MAST4: variants seen among roughly 807,000 people sequenced by gnomAD.
The protein encoded by MAST4 is microtubule associated serine/threonine kinase family member 4.
A neutral mutation model predicts 162.7 loss-of-function variants in MAST4; 89 were observed. The observed-to-expected ratio is 0.55, with a 90% CI of 0.46 to 0.65. The LOEUF (loss-of-function observed/expected upper bound fraction) is 0.65. Ranked by LOEUF, MAST4 falls within the 30% of genes least tolerant of loss-of-function variation. The probability of loss-of-function intolerance (pLI) is 0.00; values close to 1 mark genes in which losing one functional copy is unlikely to be tolerated. For missense variants in MAST4, 3,153 were observed against 3,374.0 expected (o/e 0.93, Z 1.62); for synonymous variants, 1,479 against 1,361.1 (o/e 1.09, Z -1.91).
intron 1 of MAST4, among the ~76,000 whole-genome samples, chr5:66,660,511 C>T (rs1292768473): frequency 6.6e-6 from 1 of 152,198 alleles, no homozygotes; most frequent in Admixed American, 6.5e-5. Context: ...TCAAGCCTCA[C>T]ATCATCTCCA....
intron 21 of MAST4, among the ~76,000 whole-genome samples, 162 bp from the exon 22 acceptor site, chr5:67,144,507 C>T (rs1229165157): frequency 6.6e-6 from 1 of 152,050 alleles, no homozygotes; most frequent in East Asian, 1.9e-4. Context: ...CTGACCCTTC[C>T]TCTCTGGATT....
intron 1 of MAST4, among the ~76,000 whole-genome samples, chr5:66,747,813 G>A (rs1057196150): frequency 6.6e-6 from 1 of 152,170 alleles, no homozygotes; most frequent in Non-Finnish European, 1.5e-5. Context: ...AGGAAATTCA[G>A]TTAGCCTCCC....
At chr5:67,103,316 C>G (rs572901581) in intron 9 of MAST4, among the ~76,000 whole-genome samples, 5 of 152,360 alleles carry the variant, frequency 3.3e-5, no homozygotes, top group African/African-American at 9.6e-5. Flanking sequence ...CCCCCACAGC[C>G]TGTGTTGCCC....
chr5:67,093,989 A>C (rs1764145481), intron 6 of MAST4, among the ~76,000 whole-genome samples: 1 of 152,206 alleles, frequency 6.6e-6, no homozygotes, highest in African/African-American at 2.4e-5. Context: ...TAAGCATGTT[A>C]TTACAATTAC....
At chr5:66,808,173 C>T (rs192686886) in intron 3 of MAST4, among the ~76,000 whole-genome samples, 3 of 152,308 alleles carry the variant, frequency 2.0e-5, no homozygotes, top group African/African-American at 4.8e-5. Flanking sequence ...TTCAGTCCAG[C>T]GGAATTTTGT....
intron 3 of MAST4, among the ~76,000 whole-genome samples, chr5:66,833,219 T>G (rs866647319): frequency 6.6e-6 from 1 of 152,208 alleles, no homozygotes; most frequent in South Asian, 2.1e-4. Context: ...CTCTGTATTT[T>G]GGTCAGTGAA....
At chr5:66,772,601 A>G (rs1754409319) in intron 2 of MAST4, among the ~76,000 whole-genome samples, 1 of 152,212 alleles carries the variant, frequency 6.6e-6, no homozygotes, top group African/African-American at 2.4e-5. Context: ...CAGAGAGAGA[A>G]TGGGATCACT....
intron 4 of MAST4, among the ~76,000 whole-genome samples, chr5:67,017,021 G>T (rs1753371647): frequency 6.6e-6 from 1 of 152,166 alleles, no homozygotes; most frequent in African/African-American, 2.4e-5. Context: ...CGTCTTGAAG[G>T]TGCTATTGCT....
chr5:66,738,504 G>T (rs1266780632), intron 1 of MAST4, among the ~76,000 whole-genome samples: 1 of 152,194 alleles, frequency 6.6e-6, no homozygotes, highest in Non-Finnish European at 1.5e-5. Context: ...GGATTCATCA[G>T]GGAGCAAAAC....
At chr5:66,949,849 A>G (rs1455002792) in intron 4 of MAST4, among the ~76,000 whole-genome samples, 6 of 152,180 alleles carry the variant, frequency 3.9e-5, no homozygotes. Flanking sequence ...ATTCTTATGT[A>G]TTGCCTCAAA....
chr5:66,779,177 C>A (rs1039586095), intron 2 of MAST4, among the ~76,000 whole-genome samples: 2 of 152,194 alleles, frequency 1.3e-5, no homozygotes, highest in Non-Finnish European at 2.9e-5. Flanking sequence ...CATAGTTTAG[C>A]AAATAAATTT....
chr5:67,149,479 C>G lies in MAST4; in HGVS notation c.3185C>G (p.Pro1062Arg). 6.2e-7 allele frequency: 1 copy of G among 1,613,752 alleles called. No homozygotes were observed. The highest frequency in any genetic ancestry group is 8.5e-7 in the Non-Finnish European group (1 of 1,179,814). ...AATTCCTCAAAGCCATCCAGTGAAC[C>G]CGCTTCTCACATGGCTCGGCAGCGA... ...TDNSSKPSSEPASHMARQRLE... is the reference protein window; with the variant it reads ...TDNSSKPSSERASHMARQRLE... Residue 1062 changes from proline to arginine, a missense_variant, in exon 24 of 29, where the codon CCC (proline) becomes CGC (arginine). Physicochemically the swap from Pro to Arg is moderately radical, Grantham distance 103. Coordinates refer to ENST00000403625, the MANE Select transcript of MAST4 (RefSeq NM_001164664.2).
At chr5:66,967,229 A>G (rs375426567) in intron 4 of MAST4, among the ~76,000 whole-genome samples, 1 of 152,270 alleles carries the variant, frequency 6.6e-6, no homozygotes, top group African/African-American at 2.4e-5. Context: ...GTGATGACAC[A>G]CAGAGTTTCT....
At chr5:66,922,933 C>G (rs1036392324) in intron 4 of MAST4, among the ~76,000 whole-genome samples, 2 of 152,198 alleles carry the variant, frequency 1.3e-5, no homozygotes, top group African/African-American at 4.8e-5. Context: ...TCCACTGTAT[C>G]TGTTAAGACC....
At chr5:66,774,816 T>G (rs191179923) in intron 2 of MAST4, among the ~76,000 whole-genome samples, 26 of 152,194 alleles carry the variant, frequency 1.7e-4, no homozygotes, top group African/African-American at 6.3e-4. Context: ...TTTACTTGAA[T>G]TTAAATGTAG....
chr5:66,779,712 G>A (rs1754765120), intron 2 of MAST4, among the ~76,000 whole-genome samples: 1 of 152,176 alleles, frequency 6.6e-6, no homozygotes, highest in Non-Finnish European at 1.5e-5. Context: ...TATGAGGGAA[G>A]AAATGTTTAG....
chr5:66,596,685 G>A lies in MAST4; in HGVS notation c.30G>A (p.Glu10=), dbSNP rs771257329. 6.8e-7 allele frequency: 1 copy of A among 1,471,346 alleles called. No homozygotes were observed. The allele number at this position is 1,471,346 out of a possible 1,614,324, so 91.1% of individuals were successfully genotyped here. A position where few individuals can be genotyped will look rare whatever the true frequency, so the allele number is the denominator to read the frequency against. ...GGGAGAAAGTTTCGGAGGCGCCAGA[G>A]CCGGTGCCCCGCGGCTGCAGTGGCC... The part of the protein sequence containing the change: MGEKVSEAP[E]PVPRGCSGHG... Residue 10 remains glutamate, a synonymous_variant, in exon 1 of 29, where the codon GAG becomes GAA. Coordinates refer to ENST00000403625, the MANE Select transcript of MAST4 (RefSeq NM_001164664.2).
chr5:67,132,442 A>T (rs1769100373), intron 16 of MAST4, among the ~76,000 whole-genome samples: 1 of 152,130 alleles, frequency 6.6e-6, no homozygotes, highest in South Asian at 2.1e-4. Context: ...CAAATGTGAC[A>T]ATAGCTTCAT....
chr5:67,049,020 T>C lies in MAST4; in HGVS notation c.675-5384T>C, dbSNP rs998252493. ...ATATATACACACACATATATATATA[T>C]ACGTATATATATATATATATACGTG... On this transcript the variant is annotated intron_variant, in intron 4 of 28. Transcript: ENST00000403625. Among the ~76,000 whole-genome samples the C allele has an allele frequency of 9.0e-4, 93 of 102,876 alleles. 1 individual carries two copies. Among genetic ancestry groups the C allele is most frequent in the South Asian group, 8.2e-3 (28 of 3,394 alleles). The allele number at this position is 102,876 out of a possible 152,430, so 67.5% of individuals were successfully genotyped here.
Sources: gnomAD v4.1 joint callset for allele counts (sites outside exome capture counted in the v4.1 genomes callset) on GRCh38, gnomAD v4.1.1 for gene constraint, MANE v1.5 for transcripts, NCBI Gene and HGNC (gene_info 2026-07-23, HGNC 2026-07-21) for gene names.